Variants in VMP1 observed in about 807,000 individuals in gnomAD.
The protein encoded by VMP1 is ectopic P-granules autophagy protein 3 homolog.
VMP1 carries 11 observed loss-of-function variants against 56.0 expected under a neutral mutation model. The ratio of observed to expected loss-of-function variants is 0.20; its 90% CI spans 0.12 to 0.32. The LOEUF is 0.32. Ranked by LOEUF, VMP1 falls within the 10% of genes least tolerant of loss-of-function variation. The pLI is 1.00. For missense variants in VMP1, 296 were observed against 490.3 expected, an observed-to-expected ratio of 0.60 and a Z score of 3.74; for synonymous variants, 149 against 165.0, an observed-to-expected ratio of 0.90 and a Z score of 0.74.
Position 59,737,555 on chromosome 17 carries a change from A to G in VMP1, c.303+12A>G. On this transcript the variant is annotated intron_variant, in intron 4 of 11. Transcript: ENST00000262291. ...GAGTGCATCAACAGGTGAGAGGTCG[A>G]GCAATTCTGTTTCTAGTCTTGCACA... is the stretch of plus-strand genomic sequence containing the variant. 6.3e-7 allele frequency: 1 copy of G among 1,596,964 alleles called. No homozygotes were observed. Among genetic ancestry groups the G allele is most frequent in the Non-Finnish European group, 8.5e-7 (1 of 1,172,798 alleles).
chr17:59,806,465 G>T (rs1263162751), intron 7 of VMP1, among the ~76,000 whole-genome samples: 1 of 152,094 alleles, frequency 6.6e-6, no homozygotes, highest in Non-Finnish European at 1.5e-5. Context: ...GTGGCTCAAT[G>T]CCTGTAATCC....
At chr17:59,814,124 G>A (rs762623375) in intron 9 of VMP1, among the ~76,000 whole-genome samples, 14 of 152,086 alleles carry the variant, frequency 9.2e-5, no homozygotes, top group African/African-American at 1.4e-4. Flanking sequence ...GGGACTACAG[G>A]CGCATGCCAC....
intron 7 of VMP1, among the ~76,000 whole-genome samples, chr17:59,794,875 A>G (rs2037379070): frequency 6.6e-6 from 1 of 152,066 alleles, no homozygotes; most frequent in Non-Finnish European, 1.5e-5. Context: ...ACAGGTGTAA[A>G]TAACTGAACA....
At position 59,794,043 on chromosome 17, in the gene VMP1, C is replaced by A. The variant is rs372600405; in HGVS notation, c.715-14753C>A. Among the ~76,000 whole-genome samples the A allele has an allele frequency of 2.8e-4, 43 of 151,176 alleles. No individual in the cohort carries two copies. In the East Asian group the frequency reaches 7.1e-3, roughly 25 times the overall value. ...TCATGCCATTCTCCTGCCCCAGCCTCCCGAGTAGCTGGGACTACAAGCACC... is the reference window on the plus strand; with the variant it reads ...TCATGCCATTCTCCTGCCCCAGCCTACCGAGTAGCTGGGACTACAAGCACC... On this transcript the variant is annotated intron_variant, in intron 7 of 11. Coordinates refer to ENST00000262291, the MANE Select transcript of VMP1 (RefSeq NM_030938.5).
chr17:59,714,084 G>T (rs930199636), intron 1 of VMP1, among the ~76,000 whole-genome samples: 1 of 150,234 alleles, frequency 6.7e-6, no homozygotes, highest in Non-Finnish European at 1.5e-5. Context: ...TTCTTAGTCC[G>T]TTTTCTGTTG....
intron 3 of VMP1, 62 bp from the exon 4 acceptor site, chr17:59,737,391 T>G: frequency 2.6e-6 from 4 of 1,523,796 alleles, no homozygotes; most frequent in Non-Finnish European, 3.6e-6. Context: ...GAAATTGTTC[T>G]GAGAATGATG....
intron 10 of VMP1, among the ~76,000 whole-genome samples, chr17:59,828,007 A>G (rs1008713962): frequency 6.6e-6 from 1 of 150,512 alleles, no homozygotes; most frequent in African/African-American, 2.4e-5. Context: ...AGGCTGAGGC[A>G]AGAGACACAA....
intron 5 of VMP1, among the ~76,000 whole-genome samples, chr17:59,741,013 C>T (rs2035205967): frequency 6.6e-6 from 1 of 152,094 alleles, no homozygotes; most frequent in Admixed American, 6.6e-5. Context: ...GCCTGGGCAA[C>T]ACATCTCTAC....
At chr17:59,762,764 CAG>C (rs1259585137) in intron 5 of VMP1, among the ~76,000 whole-genome samples, 1 of 152,096 alleles carries the variant, frequency 6.6e-6, no homozygotes, top group African/African-American at 2.4e-5. Flanking sequence ...ATTCTCAAAT[CAG>C]AGACTTGAAA....
At chr17:59,790,647 G>A (rs143843789) in intron 7 of VMP1, among the ~76,000 whole-genome samples, 5,612 of 152,028 alleles carry the variant, frequency 0.037, 370 homozygotes, top group African/African-American at 0.13. Flanking sequence ...AAAATTAGCC[G>A]GGCAGTAGTG....
chr17:59,829,327 G>A (rs1220112535), intron 10 of VMP1, among the ~76,000 whole-genome samples: 2 of 152,178 alleles, frequency 1.3e-5, no homozygotes, highest in Non-Finnish European at 2.9e-5. Flanking sequence ...TCAGCATGAT[G>A]GCCTTTGGCT....
In VMP1 at chr17:59,838,618, C is replaced by G. The variant is rs555395025; in HGVS notation, c.1077+221C>G. 9.4e-6 allele frequency: 5 copies of G among 530,064 alleles called. No homozygotes were observed. In the African/African-American group the frequency reaches 9.5e-5, roughly 10 times the overall value. The allele number at this position is 530,064 out of a possible 1,614,324, so 32.8% of individuals were successfully genotyped here. A position where few individuals can be genotyped will look rare whatever the true frequency, so the allele number is the denominator to read the frequency against. On this transcript the variant is annotated intron_variant, in intron 11 of 11. Coordinates refer to ENST00000262291, the MANE Select transcript of VMP1 (RefSeq NM_030938.5). ...CTTCTCCTAAAAACAAGGGTAGAGC[C>G]AATGGAAAGTAATGGTTCTGTTACA...
chr17:59,803,763 T>G (rs535939343), intron 7 of VMP1, among the ~76,000 whole-genome samples: 1 of 152,330 alleles, frequency 6.6e-6, no homozygotes, highest in South Asian at 2.1e-4. Context: ...AATGAAATAT[T>G]AATTTTTTTA....
chr17:59,766,981 C>A (rs1245382380), intron 6 of VMP1, among the ~76,000 whole-genome samples: 17 of 152,176 alleles, frequency 1.1e-4, no homozygotes, highest in Non-Finnish European at 5.9e-5. Flanking sequence ...GGGATTTCTC[C>A]ATGTTGGGCA....
intron 5 of VMP1, among the ~76,000 whole-genome samples, chr17:59,745,013 C>T (rs565864765): frequency 6.6e-6 from 1 of 152,142 alleles, no homozygotes; most frequent in Non-Finnish European, 1.5e-5. Context: ...AGGCAAACAT[C>T]ATTGTCATAC....
chr17:59,733,102 G>C (rs922705710), intron 2 of VMP1, among the ~76,000 whole-genome samples: 4 of 152,054 alleles, frequency 2.6e-5, no homozygotes, highest in African/African-American at 9.7e-5. Context: ...TGAGGTGAGA[G>C]TATCGATTTA....
chr17:59,800,167 G>C (rs1165126243), intron 7 of VMP1, among the ~76,000 whole-genome samples: 2 of 152,134 alleles, frequency 1.3e-5, no homozygotes, highest in Admixed American at 1.3e-4. Context: ...GTTCAAGAAA[G>C]ATTTGAAGTT....
At chr17:59,784,098 AGAGTGT>A (rs1298318246) in intron 7 of VMP1, among the ~76,000 whole-genome samples, 2 of 128,236 alleles carry the variant, frequency 1.6e-5, no homozygotes, top group African/African-American at 3.1e-5. Context: ...CCCATCAAAA[AGAGTGT>A]GTGTGTGTGT....
At chr17:59,787,992 G>A (rs1429980670) in intron 7 of VMP1, among the ~76,000 whole-genome samples, 2 of 152,042 alleles carry the variant, frequency 1.3e-5, no homozygotes, top group Non-Finnish European at 2.9e-5. Context: ...AATGAAGTTT[G>A]AAATTGTTTA....
Sources: gnomAD v4.1 joint callset for allele counts (sites outside exome capture counted in the v4.1 genomes callset) on GRCh38, gnomAD v4.1.1 for gene constraint, MANE v1.5 for transcripts, NCBI Gene and HGNC (gene_info 2026-07-23, HGNC 2026-07-21) for gene names.